The following EVA1A variants were observed in gnomAD, a reference collection of about 807,000 sequenced individuals.
EVA1A encodes protein eva-1 homolog A.
In EVA1A, 7 loss-of-function variants were observed where a neutral mutation model predicts 9.8. That is an observed-to-expected ratio of 0.71 (90% CI 0.41 to 1.34). EVA1A has a LOEUF of 1.34. Ranked by LOEUF, EVA1A falls within the 40% of genes most tolerant of loss-of-function variation. The pLI, the probability that EVA1A is intolerant of heterozygous loss-of-function variation, is 0.01. For synonymous variants in EVA1A, 90 were observed against 85.6 expected (o/e 1.05, Z -0.28); for missense variants, 206 against 205.9 (o/e 1.00, Z 0.00).
At chr2:75,549,732 G>A (rs945343496) in intron 1 of EVA1A, among the ~76,000 whole-genome samples, 3 of 152,172 alleles carry the variant, frequency 2.0e-5, no homozygotes, top group Non-Finnish European at 2.9e-5. Flanking sequence ...CTTTGTGTGG[G>A]GAAAGAAAAA....
chr2:75,551,266 A>G (rs888958725), intron 1 of EVA1A, among the ~76,000 whole-genome samples: 5 of 152,242 alleles, frequency 3.3e-5, no homozygotes, highest in Admixed American at 6.5e-5. Context: ...AACAATTGCT[A>G]AAGTTTGGTA....
At chr2:75,553,139 T>G (rs930038017) in intron 1 of EVA1A, among the ~76,000 whole-genome samples, 8 of 152,236 alleles carry the variant, frequency 5.3e-5, no homozygotes, top group African/African-American at 1.9e-4. Flanking sequence ...GCTGGACTTC[T>G]CACCGGCCCA....
chr2:75,536,047 G>A (rs1675880292), intron 1 of EVA1A, among the ~76,000 whole-genome samples: 1 of 152,314 alleles, frequency 6.6e-6, no homozygotes, highest in South Asian at 2.1e-4. Context: ...TGCCAGTATT[G>A]TTATATATGA....
At chr2:75,568,493 C>T (rs998493457) in intron 1 of EVA1A, among the ~76,000 whole-genome samples, 3 of 151,256 alleles carry the variant, frequency 2.0e-5, no homozygotes, top group Admixed American at 6.6e-5. Flanking sequence ...TTTGGGAGTA[C>T]AGGTGATTTT....
intron 3 of EVA1A, among the ~76,000 whole-genome samples, chr2:75,495,407 A>T (rs1430098199): frequency 2.0e-5 from 3 of 152,162 alleles, no homozygotes; most frequent in Non-Finnish European, 4.4e-5. Context: ...ATTCAAGCCT[A>T]CTGAAGACCA....
chr2:75,500,573 A>G (rs545731742), intron 3 of EVA1A, among the ~76,000 whole-genome samples: 1 of 152,044 alleles, frequency 6.6e-6, no homozygotes, highest in Non-Finnish European at 1.5e-5. Context: ...TAAGAGATAC[A>G]TTTCCTGTAA....
upstream of EVA1A, among the ~76,000 whole-genome samples, chr2:75,561,739 C>T (rs1676928595): frequency 1.3e-5 from 2 of 152,100 alleles, no homozygotes; most frequent in Non-Finnish European, 2.9e-5. Context: ...AATAAGAAAG[C>T]CTTCAGGAGG....
At chr2:75,525,574 T>C (rs955466693) in intron 1 of EVA1A, among the ~76,000 whole-genome samples, 2 of 152,208 alleles carry the variant, frequency 1.3e-5, no homozygotes, top group Non-Finnish European at 2.9e-5. Flanking sequence ...TCTGCATTTG[T>C]GGTAGCTAAC....
At chr2:75,507,737 G>T (rs1253434136) in intron 3 of EVA1A, among the ~76,000 whole-genome samples, 2 of 152,170 alleles carry the variant, frequency 1.3e-5, no homozygotes, top group African/African-American at 2.4e-5. Context: ...TGGGACAGGA[G>T]ACAGTAGAGC....
intron 3 of EVA1A, among the ~76,000 whole-genome samples, chr2:75,499,673 T>A (rs1418581325): frequency 6.6e-6 from 1 of 152,150 alleles, no homozygotes; most frequent in African/African-American, 2.4e-5. Context: ...TGCTCCCAAT[T>A]GCTAACAGAA....
At chr2:75,536,440 T>C (rs1675900600) in intron 1 of EVA1A, among the ~76,000 whole-genome samples, 1 of 152,064 alleles carries the variant, frequency 6.6e-6, no homozygotes, top group African/African-American at 2.4e-5. Flanking sequence ...TATGCAACCA[T>C]TAACCAATAG....
intron 3 of EVA1A, among the ~76,000 whole-genome samples, chr2:75,495,371 G>A (rs1320486876): frequency 6.6e-6 from 1 of 152,134 alleles, no homozygotes; most frequent in Non-Finnish European, 1.5e-5. Context: ...GAGACACTTC[G>A]ACCAAATGCT....
intron 1 of EVA1A, among the ~76,000 whole-genome samples, chr2:75,568,533 A>G (rs1677068727): frequency 6.6e-6 from 1 of 151,672 alleles, no homozygotes; most frequent in African/African-American, 2.4e-5. Context: ...TTCAGTAGTG[A>G]TTTCTGAGAT....
intron 3 of EVA1A, among the ~76,000 whole-genome samples, chr2:75,499,031 A>G (rs1350139708): frequency 9.2e-5 from 14 of 152,220 alleles, no homozygotes; most frequent in Admixed American, 9.2e-4. Flanking sequence ...CAATGTGTAT[A>G]AAAACATGCT....
At chr2:75,493,757 G>T in intron 3 of EVA1A, 148 bp from the exon 4 acceptor site, 1 of 683,418 alleles carries the variant, frequency 1.5e-6, no homozygotes, top group Non-Finnish European at 2.3e-6. Context: ...ATTTTATAAT[G>T]TATTCAAAAT....
intron 1 of EVA1A, among the ~76,000 whole-genome samples, chr2:75,559,751 A>T (rs1676855576): frequency 6.6e-6 from 1 of 151,302 alleles, no homozygotes; most frequent in Non-Finnish European, 1.5e-5. Flanking sequence ...TAAAAAGAAG[A>T]ATCTTCTGTA....
At chr2:75,516,399 C>A (rs777583847) in intron 3 of EVA1A, among the ~76,000 whole-genome samples, 2 of 152,152 alleles carry the variant, frequency 1.3e-5, no homozygotes, top group Non-Finnish European at 2.9e-5. Flanking sequence ...TTTATCTCAG[C>A]CCGTACTTAC....
intron 1 of EVA1A, among the ~76,000 whole-genome samples, chr2:75,549,059 G>T (rs2103963196): frequency 6.8e-6 from 1 of 146,356 alleles, no homozygotes; most frequent in Non-Finnish European, 1.5e-5. Context: ...AGAATCTAAG[G>T]TATCACAGCT....
chr2:75,529,784 C>A (rs1356237859), intron 1 of EVA1A, among the ~76,000 whole-genome samples: 3 of 152,000 alleles, frequency 2.0e-5, no homozygotes, highest in Non-Finnish European at 4.4e-5. Context: ...ATGCCTAAAT[C>A]AAAAAATCTG....
Sources: gnomAD v4.1 joint callset for allele counts (sites outside exome capture counted in the v4.1 genomes callset) on GRCh38, gnomAD v4.1.1 for gene constraint, MANE v1.5 for transcripts, NCBI Gene and HGNC (gene_info 2026-07-23, HGNC 2026-07-21) for gene names.